Variants in DVL2 observed in about 807,000 individuals in gnomAD.
DVL2 encodes dishevelled segment polarity protein 2, also known as segment polarity protein dishevelled homolog DVL-2.
A neutral mutation model predicts 69.8 loss-of-function variants in DVL2; 38 were observed. The ratio of observed to expected loss-of-function variants is 0.54; its 90% CI spans 0.42 to 0.71. The LOEUF is 0.71. DVL2 is among the 30% of genes least tolerant of loss of function. DVL2 has a pLI of 0.00. For missense variants in DVL2, 931 were observed against 1,008.1 expected, an observed-to-expected ratio of 0.92 and a Z score of 1.04; for synonymous variants, 428 against 392.4, an observed-to-expected ratio of 1.09 and a Z score of -1.07.
chr17:7,232,703 C>T (rs370097032), intron 1 of DVL2, among the ~76,000 whole-genome samples: 1 of 152,204 alleles, frequency 6.6e-6, no homozygotes, highest in South Asian at 2.1e-4. Context: ...GTATCAGCAT[C>T]CCCATGTCAA....
intron 1 of DVL2, among the ~76,000 whole-genome samples, chr17:7,231,176 CA>C (rs1414872981): frequency 6.6e-6 from 1 of 152,080 alleles, no homozygotes; most frequent in East Asian, 1.9e-4. Context: ...ACAAACCTTC[CA>C]AAAAGGTCAG....
intron 14 of DVL2, 41 bp downstream of exon 14, chr17:7,226,380 C>T (rs375513655): frequency 1.3e-5 from 20 of 1,530,652 alleles, no homozygotes; most frequent in Admixed American, 8.6e-5. Flanking sequence ...CTCTCATCCA[C>T]CCTCAGATCC....
chr17:7,233,870 C>T (rs2071588344), intron 1 of DVL2, 199 bp downstream of exon 1: 1 of 651,162 alleles, frequency 1.5e-6, no homozygotes, highest in East Asian at 2.6e-5. Flanking sequence ...TTAGGATATC[C>T]TAGTCTGTCC....
intron 2 of DVL2, 75 bp from the exon 3 acceptor site, chr17:7,230,505 G>A (rs1290686837): frequency 6.5e-5 from 102 of 1,578,884 alleles, no homozygotes; most frequent in Non-Finnish European, 8.5e-5. Context: ...GTGAAAGAAT[G>A]AGAAAGGGTC....
chr17:7,228,207 G>A (rs2071487899), intron 9 of DVL2, 163 bp from the exon 10 acceptor site: 1 of 585,774 alleles, frequency 1.7e-6, no homozygotes, highest in Non-Finnish European at 3.1e-6. Context: ...CAATGTGGAT[G>A]ACTCATCAAC....
chr17:7,233,963 T>C (rs774330849), intron 1 of DVL2, 106 bp downstream of exon 1: 5 of 1,243,260 alleles, frequency 4.0e-6, no homozygotes, highest in East Asian at 2.3e-5. Context: ...TGCTCCACCA[T>C]AGGCCAGAAA....
rs940358457 is a variant in DVL2 at position 7,225,765 on chromosome 17, C to T, written c.*100G>A. The T allele has an allele frequency of 8.8e-5, 92 of 1,044,970 alleles. No individual in the cohort carries two copies. The highest frequency in any genetic ancestry group is 7.8e-5 in the Non-Finnish European group (53 of 683,348). The allele number at this position is 1,044,970 out of a possible 1,614,324, so 64.7% of individuals were successfully genotyped here. On this transcript the variant is annotated 3_prime_UTR_variant, in exon 15 of 15. Coordinates refer to ENST00000005340, the MANE Select transcript of DVL2 (RefSeq NM_004422.3). Reference sequence around the variant, plus strand: ...GCCACAATCTCCTGTATGGCAGCAGCTGGTAGGCTGAGCCCAGGCACTGTA... The same window carrying T: ...GCCACAATCTCCTGTATGGCAGCAGTTGGTAGGCTGAGCCCAGGCACTGTA...
Position 7,226,132 on chromosome 17 carries a change from G to C in DVL2, c.1944C>G (p.Ser648=). Residue 648 remains serine (S), a synonymous_variant, in exon 15 of 15, where the codon TCC becomes TCG. Coordinates refer to ENST00000005340, the MANE Select transcript of DVL2 (RefSeq NM_004422.3). ...TAGGGGCACCCCCAGTTGAGCCTCT[G>C]GATGGAGGAGGGCCCCCATCGCTAG... is the stretch of plus-strand genomic sequence containing the variant. The part of the protein sequence containing the change: ...SGTSDGGPPP[S]RGSTGGAPNL... 6.2e-7 allele frequency: 1 copy of C among 1,604,594 alleles called. No homozygotes were observed. The highest frequency in any genetic ancestry group is 8.5e-7 in the Non-Finnish European group (1 of 1,175,152).
At position 7,228,099 on chromosome 17, in the gene DVL2, G is replaced by A. The variant is rs897029333; in HGVS notation, c.1035-55C>T. On this transcript the variant is annotated intron_variant, in intron 9 of 14. Coordinates refer to ENST00000005340, the MANE Select transcript of DVL2 (RefSeq NM_004422.3). Reference sequence around the variant, plus strand: ...GCAGGGGAAGAGGAGGCCTCAGGAGGGCGGGGGTCTGAAGCAAGGATGGAT... The same window carrying A: ...GCAGGGGAAGAGGAGGCCTCAGGAGAGCGGGGGTCTGAAGCAAGGATGGAT... 16 of 1,428,896 alleles carry A rather than the reference G, an allele frequency of 1.1e-5. No individual in the cohort carries two copies. In the African/African-American group the frequency reaches 2.3e-4, roughly 20 times the overall value. 88.5% of individuals were successfully genotyped at this position (1,428,896 alleles called of 1,614,324 possible).
rs368506835 is a variant in DVL2, at chr17:7,228,999, C to T, written c.1004G>A (p.Arg335Gln). 1.7e-5 allele frequency: 28 copies of T among 1,614,086 alleles called. No individual in the cohort carries two copies. The African/African-American group carries it at 1.7e-4, about 10-fold the overall frequency. ...FENMSNDDAV[R>Q]VLRDIVHKPG... The stretch of plus-strand genomic sequence containing the variant: ...CTTGTGCACAATGTCCCTCAGCACC[C>T]GCACAGCGTCATCGTTGCTCATGTT... Residue 335 changes from arginine to glutamine, a missense_variant, in exon 9 of 15, where the codon CGG (arginine) becomes CAG (glutamine). By Grantham distance (43) the Arg-to-Gln change is conservative. Transcript: ENST00000005340.
At chr17:7,228,947 G>C in intron 9 of DVL2, 22 bp downstream of exon 9, 1 of 1,611,970 alleles carries the variant, frequency 6.2e-7, no homozygotes, top group Non-Finnish European at 8.5e-7. Context: ...ACTGAGGACC[G>C]GCAACCTGCT....
chr17:7,226,966 G>A (rs752149072), intron 13 of DVL2, 124 bp downstream of exon 13: 261 of 976,510 alleles, frequency 2.7e-4, no homozygotes, highest in Non-Finnish European at 3.6e-4. Flanking sequence ...GACCTAGTGC[G>A]GGACACACAC....
chr17:7,227,391 G>T lies in DVL2; in HGVS notation c.1363+13C>A. ...TCCCCTTCTCCAGCCACCTGCCCAG[G>T]ACCCAGCCATACCCAGAAAGGCATT... On this transcript the variant is annotated intron_variant, in intron 12 of 14. Coordinates refer to ENST00000005340, the MANE Select transcript of DVL2 (RefSeq NM_004422.3). 1 of 1,612,868 alleles carries T rather than the reference G, an allele frequency of 6.2e-7. No individual in the cohort carries two copies. The highest frequency in any genetic ancestry group is 8.5e-7 in the Non-Finnish European group (1 of 1,178,968).
In DVL2 at chr17:7,225,709, G is replaced by T; in HGVS notation, c.*156C>A. Reference sequence around the variant, plus strand: ...TGTCTACCCCTGAGGGAAGGGGGAGGAACCAGGCACTGCTGGTGAGAGTCA... The same window carrying T: ...TGTCTACCCCTGAGGGAAGGGGGAGTAACCAGGCACTGCTGGTGAGAGTCA... On this transcript the variant is annotated 3_prime_UTR_variant, in exon 15 of 15. Transcript: ENST00000005340. The T allele has an allele frequency of 7.4e-6, 5 of 674,108 alleles. No homozygotes were observed. Among genetic ancestry groups the T allele is most frequent in the Non-Finnish European group, 1.0e-5 (4 of 386,426 alleles). The allele number at this position is 674,108 out of a possible 1,614,324, so 41.8% of individuals were successfully genotyped here. A position where few individuals can be genotyped will look rare whatever the true frequency, so the allele number is the denominator to read the frequency against.
chr17:7,230,881 C>T, intron 1 of DVL2, 84 bp from the exon 2 acceptor site: 5 of 1,069,778 alleles, frequency 4.7e-6, no homozygotes, highest in Non-Finnish European at 7.0e-6. Flanking sequence ...CAATCTTCAC[C>T]TGGCTCCAGG....
chr17:7,233,877 G>C (rs2071588471), intron 1 of DVL2, 192 bp downstream of exon 1: 1 of 666,894 alleles, frequency 1.5e-6, no homozygotes, highest in Non-Finnish European at 2.6e-6. Context: ...ATCCTAGTCT[G>C]TCCGTGTGCC....
intron 1 of DVL2, 30 bp from the exon 2 acceptor site, chr17:7,230,827 G>A: frequency 6.3e-7 from 1 of 1,576,232 alleles, no homozygotes; most frequent in Non-Finnish European, 8.7e-7. Flanking sequence ...AGGTCAGTGA[G>A]CTGGACCAAC....
Position 7,225,394 on chromosome 17 carries a change from T to G in DVL2, c.*471A>C. 2.0e-6 allele frequency: 1 copy of G among 491,568 alleles called. No homozygotes were observed. 30.5% of individuals were successfully genotyped at this position (491,568 alleles called of 1,614,324 possible). ...GTTTTATACAAGTGACTAAAATAAATAGAGTAACAAAGGCAGCTACATGGC... is the reference window on the plus strand; with the variant it reads ...GTTTTATACAAGTGACTAAAATAAAGAGAGTAACAAAGGCAGCTACATGGC... On this transcript the variant is annotated 3_prime_UTR_variant, in exon 15 of 15. Coordinates refer to ENST00000005340, the MANE Select transcript of DVL2 (RefSeq NM_004422.3).
At position 7,227,763 on chromosome 17, in the gene DVL2, C is replaced by G; in HGVS notation, c.1123G>C (p.Asp375His). 6.3e-7 allele frequency: 1 copy of G among 1,583,790 alleles called. No individual in the cohort carries two copies. Among genetic ancestry groups the G allele is most frequent in the Non-Finnish European group, 8.6e-7 (1 of 1,164,758 alleles). Reference protein sequence around the residue: ...LPRNEPIQPIDPAAWVSHSAA... With the variant: ...LPRNEPIQPIHPAAWVSHSAA... ...GAATGGGACACCCAGGCAGCAGGGTCAATTGGCTGGATGGGCTCATCTGGG... is the reference window on the plus strand; with the variant it reads ...GAATGGGACACCCAGGCAGCAGGGTGAATTGGCTGGATGGGCTCATCTGGG... Residue 375 changes from aspartate (D) to histidine (H), a missense_variant, in exon 11 of 15, where the codon GAC (aspartate) becomes CAC (histidine). Coordinates refer to ENST00000005340, the MANE Select transcript of DVL2 (RefSeq NM_004422.3).
Sources: gnomAD v4.1 joint callset for allele counts (sites outside exome capture counted in the v4.1 genomes callset) on GRCh38, gnomAD v4.1.1 for gene constraint, MANE v1.5 for transcripts, NCBI Gene and HGNC (gene_info 2026-07-23, HGNC 2026-07-21) for gene names.